Variants in CAPN3 observed in about 807,000 individuals in gnomAD.
The protein encoded by CAPN3 is calpain 3.
CAPN3 carries 88 observed loss-of-function variants against 114.0 expected under a neutral mutation model. That is an observed-to-expected ratio of 0.77 (90% CI 0.65 to 0.92). The LOEUF (loss-of-function observed/expected upper bound fraction) is 0.92. CAPN3 is among the 40% of genes least tolerant of loss of function. The pLI is 0.00. For synonymous variants in CAPN3, 386 were observed against 382.9 expected (o/e 1.01, Z -0.09); for missense variants, 1,028 against 1,069.0 (o/e 0.96, Z 0.53).
At chr15:42,410,406 A>C in intron 19 of CAPN3, 22 bp from the exon 20 acceptor site, 3 of 1,612,840 alleles carry the variant, frequency 1.9e-6, no homozygotes, top group East Asian at 4.5e-5. Context: ...TGTGCTGTGT[A>C]GCCCTGACCT....
intron 1 of CAPN3, among the ~76,000 whole-genome samples, chr15:42,360,495 A>G (rs28364369): frequency 0.094 from 14,295 of 152,164 alleles, 786 homozygotes; most frequent in South Asian, 0.18. Flanking sequence ...CGTTTTAAAT[A>G]TTATTCATCT....
intron 1 of CAPN3, among the ~76,000 whole-genome samples, chr15:42,376,550 GT>G (rs35473621): frequency 0.36 from 51,925 of 143,482 alleles, 15,800 homozygotes; most frequent in African/African-American, 0.83. Flanking sequence ...TTGTTTGTGG[GT>G]TTTTTTTTTT....
At chr15:42,406,411 G>C in intron 15 of CAPN3, among the ~76,000 whole-genome samples, 1 of 152,134 alleles carries the variant, frequency 6.6e-6, no homozygotes, top group Non-Finnish European at 1.5e-5. Context: ...ATCCATCACA[G>C]GGGTCCTCCA....
In CAPN3 at chr15:42,412,172, C is replaced by T. The variant is rs2054280334; in HGVS notation, c.*399C>T. The T allele has an allele frequency of 1.3e-6, 2 of 1,536,134 alleles. No homozygotes were observed. The highest frequency in any genetic ancestry group is 2.4e-5 in the South Asian group (2 of 84,058). ...ACCTTCACGCTGTCCCACCATGGGC[C>T]AGGAACCAAACCAGCACTGGGTTCT... On this transcript the variant is annotated 3_prime_UTR_variant, in exon 24 of 24. Transcript: ENST00000397163.
At chr15:42,410,854 C>T (rs182616954) in intron 21 of CAPN3, 30 bp from the exon 22 acceptor site, 66 of 1,564,064 alleles carry the variant, frequency 4.2e-5, no homozygotes, top group Admixed American at 5.0e-5. Flanking sequence ...TCCAGCTCCA[C>T]GTCCACCTCT....
At chr15:42,408,090 C>T in intron 15 of CAPN3, 121 bp from the exon 16 acceptor site, 1 of 693,802 alleles carries the variant, frequency 1.4e-6, no homozygotes. Context: ...GGTTGAAGAG[C>T]TCCCGCCTAT....
At chr15:42,388,562 C>T (rs1386157754) in intron 4 of CAPN3, among the ~76,000 whole-genome samples, 1 of 152,140 alleles carries the variant, frequency 6.6e-6, no homozygotes, top group East Asian at 1.9e-4. Flanking sequence ...CAGCCTTGGC[C>T]TCCCGAAGCG....
chr15:42,399,778 T>A, intron 10 of CAPN3, 126 bp downstream of exon 10: 1 of 845,254 alleles, frequency 1.2e-6, no homozygotes, highest in Non-Finnish European at 1.8e-6. Flanking sequence ...TTCCCTGTTT[T>A]ACTGAGAAGG....
chr15:42,367,373 C>T (rs1398643741), intron 1 of CAPN3, among the ~76,000 whole-genome samples: 2 of 152,166 alleles, frequency 1.3e-5, no homozygotes, highest in Admixed American at 6.5e-5. Context: ...CAAGACAATT[C>T]ACAAGGAAGC....
chr15:42,391,216 GTTCTT>G (rs1566976556), intron 6 of CAPN3, among the ~76,000 whole-genome samples: 1 of 152,206 alleles, frequency 6.6e-6, no homozygotes. Flanking sequence ...GGAAAGTTGA[GTTCTT>G]TTTTTTCTTT....
intron 1 of CAPN3, among the ~76,000 whole-genome samples, chr15:42,378,689 A>G (rs2141140765): frequency 1.3e-5 from 2 of 151,744 alleles, no homozygotes; most frequent in Middle Eastern, 6.9e-3. Context: ...TGCTTGCTTT[A>G]GGCTTAAGTA....
Position 42,386,211 on chromosome 15 carries a change from C to A in CAPN3, c.424C>A (p.Gln142Lys). Reference sequence around the variant, plus strand: ...AGCCATTGCCTGCCTGACCCTGAACCAGCACCTTCTTTTCCGAGTCATACC... The same window carrying A: ...AGCCATTGCCTGCCTGACCCTGAACAAGCACCTTCTTTTCCGAGTCATACC... ...LAAIACLTLN[Q>K]HLLFRVIPHD... The change falls in exon 3 of 24, where the codon CAG becomes AAG. Residue 142 changes from glutamine (Q) to lysine (K), a missense_variant. By Grantham distance (53) the Gln-to-Lys change is moderately conservative. Coordinates refer to ENST00000397163, the MANE Select transcript of CAPN3 (RefSeq NM_000070.3). The A allele has an allele frequency of 6.2e-7, 1 of 1,614,158 alleles. No homozygotes were observed. Among genetic ancestry groups the A allele is most frequent in the African/African-American group, 1.3e-5 (1 of 75,056 alleles).
intron 14 of CAPN3, chr15:42,404,875 G>C: frequency 9.6e-7 from 1 of 1,046,336 alleles, no homozygotes; most frequent in Non-Finnish European, 1.2e-6. Flanking sequence ...GATCTGTTCT[G>C]GTCATCTGGA....
chr15:42,380,639 A>G (rs2141145431), intron 1 of CAPN3, among the ~76,000 whole-genome samples: 1 of 146,236 alleles, frequency 6.8e-6, no homozygotes, highest in South Asian at 2.1e-4. Context: ...GTGTGTATAT[A>G]TATATATATG....
Position 42,386,254 on chromosome 15 carries a change from T to C in CAPN3, c.467T>C (p.Ile156Thr). The change falls in exon 3 of 24, where the codon ATC (isoleucine) becomes ACC (threonine). Residue 156 changes from isoleucine (I) to threonine (T), a missense_variant. By Grantham distance (89) the Ile-to-Thr change is moderately conservative (BLOSUM62 -1). Transcript: ENST00000397163. ...GTCATACCCCATGATCAAAGTTTCA[T>C]CGAAAACTACGCAGGGATCTTCCAC... ...FRVIPHDQSF[I>T]ENYAGIFHFQ... The C allele has an allele frequency of 3.7e-6, 6 of 1,613,834 alleles. No homozygotes were observed. Among genetic ancestry groups the C allele is most frequent in the Non-Finnish European group, 5.1e-6 (6 of 1,179,778 alleles).
intron 1 of CAPN3, among the ~76,000 whole-genome samples, 189 bp from the exon 2 acceptor site, chr15:42,384,293 TC>T (rs750944583): frequency 6.6e-6 from 1 of 152,086 alleles, no homozygotes; most frequent in Non-Finnish European, 1.5e-5. Flanking sequence ...ATGCCTATAG[TC>T]CCAGCTACTC....
chr15:42,363,628 T>C (rs2052705205), intron 1 of CAPN3, among the ~76,000 whole-genome samples: 1 of 152,182 alleles, frequency 6.6e-6, no homozygotes, highest in African/African-American at 2.4e-5. Context: ...TGGAGGCAAG[T>C]CCCCATGGGG....
chr15:42,408,867 G>A (rs1203541510), intron 16 of CAPN3: 1 of 276,812 alleles, frequency 3.6e-6, no homozygotes, highest in Non-Finnish European at 7.0e-6. Context: ...TTCTGTCTGG[G>A]AGCCCCTCTT....
chr15:42,380,751 A>ATATTTTTTTTTTTTTT (rs1436943739), intron 1 of CAPN3, among the ~76,000 whole-genome samples: 1 of 64,484 alleles, frequency 1.6e-5, no homozygotes, highest in African/African-American at 9.0e-5. Context: ...ATATATATAT[A>ATATTTTTTTTTTTTTT]TTTTTTTTTT....
Sources: gnomAD v4.1 joint callset for allele counts (sites outside exome capture counted in the v4.1 genomes callset) on GRCh38, gnomAD v4.1.1 for gene constraint, MANE v1.5 for transcripts, NCBI Gene and HGNC (gene_info 2026-07-23, HGNC 2026-07-21) for gene names.